Variants in DLGAP5 observed in about 807,000 individuals in gnomAD.
The protein encoded by DLGAP5 is DLG associated protein 5.
DLGAP5 carries 90 observed loss-of-function variants against 99.6 expected under a neutral mutation model. The ratio of observed to expected loss-of-function variants is 0.90; its 90% CI spans 0.76 to 1.08. The LOEUF is 1.08. DLGAP5 is among the 50% of genes least tolerant of loss of function. The pLI is 0.00. For missense variants in DLGAP5, 1,036 were observed against 983.5 expected (o/e 1.05, Z -0.71); for synonymous variants, 311 against 321.3 (o/e 0.97, Z 0.34).
chr14:55,150,742 T>C (rs1246131479), intron 18 of DLGAP5, 57 bp downstream of exon 18: 1 of 1,287,998 alleles, frequency 7.8e-7, no homozygotes, highest in African/African-American at 1.5e-5. Context: ...AAAAGCAATA[T>C]TCATTTTATA....
Position 55,177,141 on chromosome 14 carries a change from G to A in DLGAP5, c.970C>T (p.Gln324Ter). Residue 324 changes from glutamine to a stop codon, truncating the protein, a stop_gained, in exon 8 of 19, where the codon CAA becomes TAA. Coordinates refer to ENST00000247191, the MANE Select transcript of DLGAP5 (RefSeq NM_014750.5). LOFTEE classifies it high-confidence loss of function. ...CTTCTGGGAGTCATAGGTGTTACTTGATAGGTCTTCAGACCATCCAGTGGC... is the reference window on the plus strand; with the variant it reads ...CTTCTGGGAGTCATAGGTGTTACTTAATAGGTCTTCAGACCATCCAGTGGC... ...FQPLDGLKTY[Q>*]VTPMTPRSAN... 6.2e-7 allele frequency: 1 copy of A among 1,600,476 alleles called. No individual in the cohort carries two copies. The highest frequency in any genetic ancestry group is 8.5e-7 in the Non-Finnish European group (1 of 1,175,276).
intron 13 of DLGAP5, among the ~76,000 whole-genome samples, chr14:55,161,397 G>C (rs1882425817): frequency 9.1e-6 from 1 of 109,600 alleles, no homozygotes; most frequent in African/African-American, 3.3e-5. Flanking sequence ...GACTTTATTA[G>C]TAAAAAAAAA....
rs545973124 is a variant in DLGAP5, at chr14:55,153,017, G to A, written c.2064-370C>T. On this transcript the variant is annotated intron_variant, in intron 15 of 18. Transcript: ENST00000247191. ...ACAATTCAATTATTGTCTAGCTGGA[G>A]TTAGCTACATTTACTCGTTACTTGT... 1.3e-3 allele frequency among the ~76,000 whole-genome samples: 199 copies of A among 152,296 alleles called. 1 individual carries two copies. Among genetic ancestry groups the A allele is most frequent in the African/African-American group, 4.5e-3 (189 of 41,566 alleles).
chr14:55,161,611 C>T (rs151229669), intron 13 of DLGAP5, among the ~76,000 whole-genome samples: 3,907 of 150,800 alleles, frequency 0.026, 162 homozygotes, highest in African/African-American at 0.09. Flanking sequence ...GGTTTCTCCA[C>T]GATGGTCAGG....
chr14:55,169,359 A>AAT, intron 12 of DLGAP5, 40 bp downstream of exon 12: 1 of 1,329,444 alleles, frequency 7.5e-7, no homozygotes, highest in African/African-American at 1.7e-5. Context: ...AAAAAAAAAA[A>AAT]AGCCCTAAGT....
chr14:55,152,772 A>ACC, intron 15 of DLGAP5, 125 bp from the exon 16 acceptor site: 2 of 738,380 alleles, frequency 2.7e-6, no homozygotes, highest in Non-Finnish European at 4.1e-6. Context: ...AGCCTGGTGC[A>ACC]AGATCAGGCG....
intron 13 of DLGAP5, among the ~76,000 whole-genome samples, chr14:55,159,872 G>C (rs1156671704): frequency 6.6e-6 from 1 of 152,142 alleles, no homozygotes; most frequent in East Asian, 1.9e-4. Flanking sequence ...AAATATGACT[G>C]AAGAATAGGC....
intron 18 of DLGAP5, 140 bp downstream of exon 18, chr14:55,150,659 A>G (rs1881983975): frequency 1.6e-6 from 1 of 610,348 alleles, no homozygotes; most frequent in East Asian, 3.6e-5. Flanking sequence ...ATTTTTCTTC[A>G]TTCTGTGAAA....
At chr14:55,161,349 A>G (rs1334198355) in intron 13 of DLGAP5, among the ~76,000 whole-genome samples, 1 of 151,930 alleles carries the variant, frequency 6.6e-6, no homozygotes, top group Non-Finnish European at 1.5e-5. Flanking sequence ...AAATCCATTC[A>G]ATCAATTTAG....
At chr14:55,173,389 G>A (rs1882936271) in intron 10 of DLGAP5, among the ~76,000 whole-genome samples, 1 of 151,788 alleles carries the variant, frequency 6.6e-6, no homozygotes, top group South Asian at 2.1e-4. Context: ...TCACATCACT[G>A]TACTCCAGCC....
chr14:55,159,548 G>A (rs1052700386), intron 13 of DLGAP5, among the ~76,000 whole-genome samples: 1 of 152,288 alleles, frequency 6.6e-6, no homozygotes, highest in East Asian at 1.9e-4. Context: ...AAAGGGTATC[G>A]CTCAAAAGGA....
chr14:55,173,819 C>T lies in DLGAP5; in HGVS notation c.1301+1527G>A, dbSNP rs139151756. 4.7e-3 allele frequency among the ~76,000 whole-genome samples: 716 copies of T among 151,734 alleles called. 5 individuals carry two copies. Among genetic ancestry groups the T allele is most frequent in the African/African-American group, 0.016 (675 of 41,040 alleles). On this transcript the variant is annotated intron_variant, in intron 10 of 18. Transcript: ENST00000247191. ...ACTTATCACTTCCCCAGTCAATACCCTTGTGATTTCCTATGCCTGTCTTTA... is the reference window on the plus strand; with the variant it reads ...ACTTATCACTTCCCCAGTCAATACCTTTGTGATTTCCTATGCCTGTCTTTA...
intron 2 of DLGAP5, among the ~76,000 whole-genome samples, chr14:55,185,867 T>A (rs1240210722): frequency 6.6e-6 from 1 of 152,234 alleles, no homozygotes; most frequent in African/African-American, 2.4e-5. Flanking sequence ...GAACCCCATA[T>A]ACCTATTACC....
chr14:55,184,009 T>A (rs1883354899), intron 2 of DLGAP5, among the ~76,000 whole-genome samples: 1 of 152,062 alleles, frequency 6.6e-6, no homozygotes, highest in Non-Finnish European at 1.5e-5. Flanking sequence ...AAAAATTAGC[T>A]GGGTGTGGTG....
At chr14:55,173,616 T>C (rs1214000364) in intron 10 of DLGAP5, among the ~76,000 whole-genome samples, 1 of 151,774 alleles carries the variant, frequency 6.6e-6, no homozygotes, top group Non-Finnish European at 1.5e-5. Flanking sequence ...TATATATATA[T>C]ACATGTTGCA....
intron 14 of DLGAP5, among the ~76,000 whole-genome samples, chr14:55,157,489 G>A (rs972958387): frequency 6.6e-6 from 1 of 151,916 alleles, no homozygotes; most frequent in East Asian, 1.9e-4. Context: ...GAACAATTTA[G>A]GTTTACTTTG....
chr14:55,175,785 G>C, intron 9 of DLGAP5, 109 bp downstream of exon 9: 3 of 992,280 alleles, frequency 3.0e-6, no homozygotes, highest in East Asian at 2.7e-5. Context: ...AAACAAATCT[G>C]ACAAGTAATA....
At chr14:55,151,579 G>T in intron 17 of DLGAP5, 116 bp downstream of exon 17, 1 of 1,139,072 alleles carries the variant, frequency 8.8e-7, no homozygotes, top group Non-Finnish European at 1.2e-6. Flanking sequence ...CACTAACAAT[G>T]AAGGATCCTC....
intron 3 of DLGAP5, among the ~76,000 whole-genome samples, chr14:55,182,787 T>C (rs1594683430): frequency 6.6e-6 from 1 of 152,164 alleles, no homozygotes; most frequent in African/African-American, 2.4e-5. Context: ...AGCCCACTTT[T>C]TCATAATTTT....
Sources: gnomAD v4.1 joint callset for allele counts (sites outside exome capture counted in the v4.1 genomes callset) on GRCh38, gnomAD v4.1.1 for gene constraint, MANE v1.5 for transcripts, NCBI Gene and HGNC (gene_info 2026-07-23, HGNC 2026-07-21) for gene names.